The following PIP5K1B variants were observed in gnomAD, a reference collection of about 807,000 sequenced individuals.
PIP5K1B encodes the protein phosphatidylinositol-4-phosphate 5-kinase type 1 beta.
A neutral mutation model predicts 67.0 loss-of-function variants in PIP5K1B; 42 were observed. The observed-to-expected ratio is 0.63, with a 90% CI of 0.49 to 0.81. The LOEUF is 0.81. Ranked by LOEUF, PIP5K1B falls within the 30% of genes least tolerant of loss-of-function variation. The pLI is 0.00. For missense variants in PIP5K1B, 459 were observed against 646.3 expected, an observed-to-expected ratio of 0.71 and a Z score of 3.14; for synonymous variants, 214 against 231.4, an observed-to-expected ratio of 0.92 and a Z score of 0.68.
intron 2 of PIP5K1B, among the ~76,000 whole-genome samples, chr9:68,745,191 C>G (rs923602217): frequency 1.3e-5 from 2 of 152,202 alleles, no homozygotes; most frequent in African/African-American, 2.4e-5. Flanking sequence ...GTTGAGCCCC[C>G]TCATGAGGCT....
intron 2 of PIP5K1B, among the ~76,000 whole-genome samples, chr9:68,809,124 A>G (rs10869323): frequency 0.16 from 24,686 of 152,182 alleles, 2,048 homozygotes; most frequent in African/African-American, 0.19. Context: ...CTAAGCCTAT[A>G]GTTTCTTAAT....
chr9:69,007,750 G>A (rs1308490847), intron 15 of PIP5K1B, among the ~76,000 whole-genome samples: 5 of 152,002 alleles, frequency 3.3e-5, no homozygotes, highest in Non-Finnish European at 7.4e-5. Context: ...CCAGCTACTC[G>A]GGAGGCTGAG....
intron 4 of PIP5K1B, among the ~76,000 whole-genome samples, chr9:68,855,702 C>G (rs1345997524): frequency 6.6e-6 from 1 of 152,204 alleles, no homozygotes; most frequent in East Asian, 1.9e-4. Flanking sequence ...TCACCCTTCT[C>G]TAAGCCATCA....
intron 14 of PIP5K1B, among the ~76,000 whole-genome samples, chr9:68,943,876 G>A (rs1270043215): frequency 1.3e-5 from 2 of 152,154 alleles, no homozygotes; most frequent in East Asian, 3.8e-4. Flanking sequence ...AAGTTGGCAA[G>A]GTATTGATTA....
Position 68,901,155 on chromosome 9 carries a change from A to G in PIP5K1B, c.771+6517A>G, listed in dbSNP as rs1292461431. On this transcript the variant is annotated intron_variant, in intron 8 of 15. Coordinates refer to ENST00000265382, the MANE Select transcript of PIP5K1B (RefSeq NM_003558.4). Reference sequence around the variant, plus strand: ...AGGTAGAAATACTTCAATTTAAATTATCCTCTCATCAATAAGGAATTCGAT... The same window carrying G: ...AGGTAGAAATACTTCAATTTAAATTGTCCTCTCATCAATAAGGAATTCGAT... Among the ~76,000 whole-genome samples, 7 of 152,236 alleles carry G rather than the reference A, an allele frequency of 4.6e-5. No individual in the cohort carries two copies. The South Asian group carries it at 8.3e-4, about 18-fold the overall frequency.
At chr9:68,899,153 G>C (rs1490020762) in intron 8 of PIP5K1B, among the ~76,000 whole-genome samples, 2 of 151,990 alleles carry the variant, frequency 1.3e-5, no homozygotes, top group Non-Finnish European at 2.9e-5. Flanking sequence ...AAAGGTTTTG[G>C]TTTTTTTATG....
At chr9:68,871,681 C>A (rs10869441) in intron 5 of PIP5K1B, among the ~76,000 whole-genome samples, 61,673 of 151,982 alleles carry the variant, frequency 0.41, 13,035 homozygotes, top group Middle Eastern at 0.49. Flanking sequence ...TTTTTTGGAG[C>A]TAAAAATGCC....
intron 2 of PIP5K1B, among the ~76,000 whole-genome samples, chr9:68,810,938 A>G (rs958348836): frequency 3.9e-5 from 6 of 152,230 alleles, no homozygotes; most frequent in Non-Finnish European, 8.8e-5. Context: ...GAAAACAAGT[A>G]AAAGAGAGAG....
At chr9:68,952,643 G>A (rs889751101) in intron 14 of PIP5K1B, among the ~76,000 whole-genome samples, 1 of 151,856 alleles carries the variant, frequency 6.6e-6, no homozygotes, top group African/African-American at 2.4e-5. Flanking sequence ...AGATTAACTA[G>A]TATAGAATTC....
chr9:68,827,143 A>G (rs1834029925), intron 4 of PIP5K1B, among the ~76,000 whole-genome samples: 1 of 152,194 alleles, frequency 6.6e-6, no homozygotes, highest in Non-Finnish European at 1.5e-5. Context: ...GCACAGAAAC[A>G]GGGAGGAGCA....
chr9:68,862,695 G>A (rs1388324868), intron 4 of PIP5K1B, among the ~76,000 whole-genome samples: 1 of 152,004 alleles, frequency 6.6e-6, no homozygotes, highest in Non-Finnish European at 1.5e-5. Flanking sequence ...AGGCGGCTGA[G>A]GCATGAGAAT....
chr9:68,784,680 G>T (rs1475612112), intron 2 of PIP5K1B: 1 of 163,576 alleles, frequency 6.1e-6, no homozygotes, highest in African/African-American at 2.4e-5. Flanking sequence ...TCTAACAGAG[G>T]TGGGAGTCAG....
At chr9:68,795,934 T>C (rs1195295579) in intron 2 of PIP5K1B, among the ~76,000 whole-genome samples, 1 of 152,174 alleles carries the variant, frequency 6.6e-6, no homozygotes, top group Non-Finnish European at 1.5e-5. Context: ...AAAAAAAGAT[T>C]AGAATAACAA....
At chr9:68,772,563 A>G (rs1830718795) in intron 2 of PIP5K1B, among the ~76,000 whole-genome samples, 2 of 152,194 alleles carry the variant, frequency 1.3e-5, no homozygotes, top group South Asian at 4.1e-4. Flanking sequence ...ATCCAGCTGC[A>G]TTTTAGTTAT....
intron 14 of PIP5K1B, among the ~76,000 whole-genome samples, chr9:68,946,524 C>A (rs1202348276): frequency 6.6e-6 from 1 of 152,084 alleles, no homozygotes; most frequent in Non-Finnish European, 1.5e-5. Flanking sequence ...TCCCGAGTAG[C>A]TGGGACTACA....
At chr9:68,993,215 C>T (rs1008048929) in intron 15 of PIP5K1B, among the ~76,000 whole-genome samples, 2 of 152,216 alleles carry the variant, frequency 1.3e-5, no homozygotes, top group South Asian at 2.1e-4. Context: ...CCTGCATCTC[C>T]GACCTGCCCC....
chr9:68,911,219 C>G (rs1220775916), intron 8 of PIP5K1B, among the ~76,000 whole-genome samples: 2 of 151,740 alleles, frequency 1.3e-5, no homozygotes, highest in Non-Finnish European at 1.5e-5. Context: ...ATTAAAAATA[C>G]AAAATTAACT....
intron 1 of PIP5K1B, among the ~76,000 whole-genome samples, chr9:68,710,662 T>C (rs1247744413): frequency 1.3e-5 from 2 of 152,196 alleles, no homozygotes; most frequent in African/African-American, 4.8e-5. Flanking sequence ...AACAGAGTGA[T>C]TGGGACAAGG....
At chr9:68,905,247 A>C (rs1587645675) in intron 8 of PIP5K1B, among the ~76,000 whole-genome samples, 1 of 152,128 alleles carries the variant, frequency 6.6e-6, no homozygotes, top group Admixed American at 6.5e-5. Flanking sequence ...CTGGGAGTGC[A>C]GAGAGGAAAG....
Sources: gnomAD v4.1 joint callset for allele counts (sites outside exome capture counted in the v4.1 genomes callset) on GRCh38, gnomAD v4.1.1 for gene constraint, MANE v1.5 for transcripts, NCBI Gene and HGNC (gene_info 2026-07-23, HGNC 2026-07-21) for gene names.